Variants in PRELID2 observed in about 807,000 individuals in gnomAD.
PRELID2 encodes PRELI domain-containing protein 2.
A neutral mutation model predicts 28.4 loss-of-function variants in PRELID2; 25 were observed. The ratio of observed to expected loss-of-function variants is 0.88; its 90% CI spans 0.64 to 1.23. The LOEUF (loss-of-function observed/expected upper bound fraction) is 1.23. Among genes scored for constraint, PRELID2 ranks in the 50% most tolerant of loss-of-function variants. PRELID2 has a pLI of 0.00. For missense variants in PRELID2, 201 were observed against 214.4 expected (o/e 0.94, Z 0.39); for synonymous variants, 76 against 71.6 (o/e 1.06, Z -0.31).
chr5:145,817,198 A>AAAAAAAAATATATATAT (rs1365517052), intron 4 of PRELID2, among the ~76,000 whole-genome samples: 1 of 70,090 alleles, frequency 1.4e-5, no homozygotes, highest in Non-Finnish European at 3.3e-5. Context: ...TTCAAAAAAA[A>AAAAAAAAATATATATAT]ATAAATAAAT....
At chr5:145,778,692 G>A (rs569188760) in intron 5 of PRELID2, among the ~76,000 whole-genome samples, 1 of 152,278 alleles carries the variant, frequency 6.6e-6, no homozygotes, top group African/African-American at 2.4e-5. Flanking sequence ...CTTAGTGGCT[G>A]TACTCCACGC....
At chr5:145,626,988 T>TA (rs1473702339) in intron 1 of PRELID2, among the ~76,000 whole-genome samples, 1 of 151,336 alleles carries the variant, frequency 6.6e-6, no homozygotes, top group Non-Finnish European at 1.5e-5. Flanking sequence ...TAGTCCCAGC[T>TA]ATTCTAGAGG....
At chr5:145,814,067 A>T (rs568909611) in intron 4 of PRELID2, among the ~76,000 whole-genome samples, 1 of 152,284 alleles carries the variant, frequency 6.6e-6, no homozygotes, top group African/African-American at 2.4e-5. Context: ...TTTTTCTCAG[A>T]ACTGGTTTTT....
At chr5:145,756,075 C>T (rs1160705935), downstream of PRELID2, among the ~76,000 whole-genome samples, 3 of 152,216 alleles carry the variant, frequency 2.0e-5, no homozygotes, top group Admixed American at 6.5e-5. Flanking sequence ...CCATGTTGGG[C>T]TTCATTACTT....
chr5:145,404,308 AGC>A, the PRELID2 span, among the ~76,000 whole-genome samples: 2 of 152,218 alleles, frequency 1.3e-5, no homozygotes, highest in African/African-American at 2.4e-5. Flanking sequence ...CTCATGCATC[AGC>A]TGCAGAGCTG....
At chr5:145,307,350 C>T in the PRELID2 span, among the ~76,000 whole-genome samples, 1 of 152,184 alleles carries the variant, frequency 6.6e-6, no homozygotes. Context: ...CTCCATGGCA[C>T]AAGCAGCTAA....
At chr5:145,320,087 A>G in the PRELID2 span, among the ~76,000 whole-genome samples, 1 of 152,240 alleles carries the variant, frequency 6.6e-6, no homozygotes, top group Non-Finnish European at 1.5e-5. Context: ...TCAGTTCATT[A>G]TGAATGGAAT....
the PRELID2 span, among the ~76,000 whole-genome samples, chr5:145,420,042 G>C: frequency 6.6e-6 from 1 of 151,944 alleles, no homozygotes. Flanking sequence ...GATAGTTGTA[G>C]ATATGCGGCA....
chr5:145,398,389 G>A, the PRELID2 span, among the ~76,000 whole-genome samples: 3 of 152,112 alleles, frequency 2.0e-5, no homozygotes, highest in South Asian at 4.1e-4. Flanking sequence ...CCAGTTGATT[G>A]TAGCAGTGGC....
downstream of PRELID2, among the ~76,000 whole-genome samples, chr5:145,752,909 G>A (rs553827252): frequency 6.6e-6 from 1 of 152,214 alleles, no homozygotes; most frequent in Non-Finnish European, 1.5e-5. Context: ...TGAAAGAAGG[G>A]GCTTCAGCCC....
chr5:145,700,861 C>A (rs545993147), intron 1 of PRELID2, among the ~76,000 whole-genome samples: 7 of 152,130 alleles, frequency 4.6e-5, no homozygotes, highest in Non-Finnish European at 8.8e-5. Flanking sequence ...CATCTAACAC[C>A]CAGGTGAGCA....
chr5:145,830,678 A>G (rs574459179), intron 1 of PRELID2, among the ~76,000 whole-genome samples: 1 of 152,370 alleles, frequency 6.6e-6, no homozygotes, highest in East Asian at 1.9e-4. Context: ...TCCAATGAAT[A>G]AACTATTTTG....
chr5:145,589,363 A>G (rs902575495), intron 1 of PRELID2, among the ~76,000 whole-genome samples: 8 of 152,176 alleles, frequency 5.3e-5, no homozygotes, highest in African/African-American at 1.9e-4. Context: ...TACTTTTGAT[A>G]TACATTCCCA....
At chr5:145,414,120 T>C in the PRELID2 span, among the ~76,000 whole-genome samples, 1 of 152,206 alleles carries the variant, frequency 6.6e-6, no homozygotes. Flanking sequence ...ATGGGAACTC[T>C]CTTGAAACAT....
chr5:145,749,088 G>A (rs1757065901), intron 1 of PRELID2, among the ~76,000 whole-genome samples: 1 of 152,024 alleles, frequency 6.6e-6, no homozygotes, highest in African/African-American at 2.4e-5. Flanking sequence ...GACAAAAACA[G>A]CAAAATCAAT....
intron 1 of PRELID2, among the ~76,000 whole-genome samples, chr5:145,708,828 C>A (rs1384493710): frequency 6.6e-6 from 1 of 152,184 alleles, no homozygotes; most frequent in Non-Finnish European, 1.5e-5. Flanking sequence ...TTTCCTCATG[C>A]ATAAATAGAG....
chr5:145,302,253 C>T, the PRELID2 span, among the ~76,000 whole-genome samples: 2 of 151,878 alleles, frequency 1.3e-5, no homozygotes, highest in African/African-American at 4.8e-5. Flanking sequence ...CTTCTGCCTC[C>T]TGGGTTCAAG....
chr5:145,713,938 T>C (rs971501352), intron 1 of PRELID2, among the ~76,000 whole-genome samples: 5 of 151,702 alleles, frequency 3.3e-5, no homozygotes, highest in Admixed American at 6.6e-5. Flanking sequence ...TTCAGTGAAA[T>C]TGTTCTTCAA....
At chr5:145,528,405 C>T (rs573861136) in intron 1 of PRELID2, among the ~76,000 whole-genome samples, 2 of 152,096 alleles carry the variant, frequency 1.3e-5, no homozygotes, top group East Asian at 1.9e-4. Flanking sequence ...TCTATAATGA[C>T]GGAAGCTGGC....
Sources: allele counts gnomAD v4.1 joint callset (sites outside exome capture counted in the v4.1 genomes callset), GRCh38; gene constraint gnomAD v4.1.1; transcripts MANE v1.5; gene names NCBI Gene and HGNC (gene_info 2026-07-23, HGNC 2026-07-21).